Variants in SLC16A4 observed in about 807,000 individuals in gnomAD.
The protein encoded by SLC16A4 is probable monocarboxylate transporter 5.
A neutral mutation model predicts 47.9 loss-of-function variants in SLC16A4; 39 were observed. The ratio of observed to expected loss-of-function variants is 0.81; its 90% CI spans 0.63 to 1.06. The LOEUF is 1.06. Among genes scored for constraint, SLC16A4 ranks in the 50% least tolerant of loss-of-function variants. The pLI is 0.00. For missense variants in SLC16A4, 524 were observed against 573.8 expected (o/e 0.91, Z 0.89); for synonymous variants, 189 against 199.9 (o/e 0.95, Z 0.46).
intron 5 of SLC16A4, among the ~76,000 whole-genome samples, chr1:110,379,607 G>A (rs1662240975): frequency 6.6e-6 from 1 of 152,076 alleles, no homozygotes; most frequent in Non-Finnish European, 1.5e-5. Flanking sequence ...TTTGTGTTAA[G>A]GGGGGTAGGG....
At position 110,379,116 on chromosome 1, in the gene SLC16A4, T is replaced by C. The variant is rs750522977; in HGVS notation, c.767A>G (p.Gln256Arg). Residue 256 changes from glutamine (Q) to arginine (R), a missense_variant, in exon 6 of 9, where the codon CAA (glutamine) becomes CGA (arginine). Transcript: ENST00000369779. Reference protein sequence around the residue: ...GLPSKNLTVSQNQSEEFYNGP... With the variant: ...GLPSKNLTVSRNQSEEFYNGP... ...ATTGTAGAACTCTTCACTTTGATTT[T>C]GTGAGACTGTTAAATTTTTGCTAGG... 2 of 1,614,270 alleles carry C rather than the reference T, an allele frequency of 1.2e-6. No individual in the cohort carries two copies. The highest frequency in any genetic ancestry group is 2.2e-5 in the South Asian group (2 of 91,086).
intron 8 of SLC16A4, chr1:110,375,217 C>T (rs1661925122): frequency 1.3e-5 from 5 of 397,356 alleles, no homozygotes; most frequent in Non-Finnish European, 2.3e-5. Context: ...GACATAGATC[C>T]AGTGTCTGCC....
chr1:110,378,508 C>A (rs201445604), intron 6 of SLC16A4, among the ~76,000 whole-genome samples: 1 of 152,182 alleles, frequency 6.6e-6, no homozygotes, highest in Non-Finnish European at 1.5e-5. Flanking sequence ...TGCTGTCTAC[C>A]TGGGGTTTTC....
At chr1:110,390,358 T>G (rs969239965) in intron 1 of SLC16A4, among the ~76,000 whole-genome samples, 1 of 152,150 alleles carries the variant, frequency 6.6e-6, no homozygotes, top group African/African-American at 2.4e-5. Flanking sequence ...TAGAAAACAC[T>G]TGCTAAATGT....
intron 2 of SLC16A4, among the ~76,000 whole-genome samples, chr1:110,388,925 G>C (rs917208993): frequency 1.3e-5 from 2 of 152,154 alleles, no homozygotes; most frequent in African/African-American, 4.8e-5. Context: ...AGCTAGGCTG[G>C]TCTCGAACTC....
intron 2 of SLC16A4, among the ~76,000 whole-genome samples, chr1:110,386,520 T>C (rs1248000355): frequency 1.3e-5 from 2 of 152,126 alleles, no homozygotes; most frequent in African/African-American, 4.8e-5. Flanking sequence ...CATTTTCTTT[T>C]TGTTTTTAAG....
chr1:110,386,157 T>G (rs555596024), intron 2 of SLC16A4, among the ~76,000 whole-genome samples: 36 of 152,348 alleles, frequency 2.4e-4, no homozygotes, highest in South Asian at 8.3e-4. Flanking sequence ...CCTTGGTGTC[T>G]GCGTGTAGCA....
chr1:110,372,605 G>T (rs2101005259), intron 8 of SLC16A4: 1 of 152,326 alleles, frequency 6.6e-6, no homozygotes, highest in African/African-American at 2.4e-5. Flanking sequence ...GAATGACTTA[G>T]AGGAACAAAG....
chr1:110,372,723 G>A (rs567555517), intron 8 of SLC16A4: 2 of 152,262 alleles, frequency 1.3e-5, no homozygotes, highest in Admixed American at 1.3e-4. Flanking sequence ...TTCTACATAA[G>A]CTTTAGCAAC....
At position 110,389,222 on chromosome 1, in the gene SLC16A4, A is replaced by G. The variant is rs1662892278; in HGVS notation, c.87+15T>C. The G allele has an allele frequency of 6.2e-7, 1 of 1,606,000 alleles. No individual in the cohort carries two copies. The highest frequency in any genetic ancestry group is 1.7e-5 in the Admixed American group (1 of 60,006). On this transcript the variant is annotated intron_variant, in intron 2 of 8. Coordinates refer to ENST00000369779, the MANE Select transcript of SLC16A4 (RefSeq NM_004696.3). ...TTTTAGGCAATAGGAAAGGGGGAAA[A>G]AAGTGAATTCTTACCAGGAAAAAAT... is the stretch of plus-strand genomic sequence containing the variant.
Position 110,382,964 on chromosome 1 carries a change from C to A in SLC16A4, c.90G>T (p.Val30=). The change falls in exon 3 of 9, where the codon GTG becomes GTT. Residue 30 remains valine, a splice_region_variant and synonymous_variant. Coordinates refer to ENST00000369779, the MANE Select transcript of SLC16A4 (RefSeq NM_004696.3). The stretch of plus-strand genomic sequence containing the variant: ...TGGTCATCCCCATCACAAACACATT[C>A]ACCTAAATCAAAGCAGACCAGAGTC... ...GWMIVIHFFL[V]NVFVMGMTKT... is the part of the protein sequence containing the mutation. 1 of 1,605,250 alleles carries A rather than the reference C, an allele frequency of 6.2e-7. No individual in the cohort carries two copies. The highest frequency in any genetic ancestry group is 8.5e-7 in the Non-Finnish European group (1 of 1,174,330).
In SLC16A4 at chr1:110,369,058, G is replaced by A. The variant is rs556313865; in HGVS notation, c.1337-5165C>T. Reference sequence around the variant, plus strand: ...CAACCTCCTCCTCCTGGGTTTAAGCGATTCTCCTGCCCCAACCTCCCAAGT... The same window carrying A: ...CAACCTCCTCCTCCTGGGTTTAAGCAATTCTCCTGCCCCAACCTCCCAAGT... On this transcript the variant is annotated intron_variant, in intron 8 of 8. Coordinates refer to ENST00000369779, the MANE Select transcript of SLC16A4 (RefSeq NM_004696.3). Among the ~76,000 whole-genome samples the A allele has an allele frequency of 5.7e-4, 86 of 151,322 alleles. 1 individual carries two copies. Among genetic ancestry groups the A allele is most frequent in the African/African-American group, 1.9e-3 (79 of 41,222 alleles).
chr1:110,375,870 A>C (rs1157080782), intron 7 of SLC16A4, among the ~76,000 whole-genome samples: 1 of 152,142 alleles, frequency 6.6e-6, no homozygotes, highest in African/African-American at 2.4e-5. Context: ...TGATATTTAC[A>C]ATATGAATTA....
At chr1:110,387,467 G>T (rs1228725073) in intron 2 of SLC16A4, among the ~76,000 whole-genome samples, 2 of 152,208 alleles carry the variant, frequency 1.3e-5, no homozygotes, top group Non-Finnish European at 2.9e-5. Flanking sequence ...AGTCATTCAA[G>T]TATCCACATT....
At chr1:110,386,008 C>G (rs1662714499) in intron 2 of SLC16A4, among the ~76,000 whole-genome samples, 1 of 152,186 alleles carries the variant, frequency 6.6e-6, no homozygotes, top group Non-Finnish European at 1.5e-5. Flanking sequence ...GTGCATCATT[C>G]TGTAAAGTAA....
At chr1:110,374,160 C>T (rs1381217086) in intron 8 of SLC16A4, among the ~76,000 whole-genome samples, 4 of 152,166 alleles carry the variant, frequency 2.6e-5, no homozygotes, top group African/African-American at 9.7e-5. Context: ...CTGCCTCAGC[C>T]TCCCAAGTTA....
At chr1:110,378,774 T>A in intron 6 of SLC16A4, 79 bp downstream of exon 6, 1 of 1,501,962 alleles carries the variant, frequency 6.7e-7, no homozygotes. Context: ...TTTCTTTAGC[T>A]TTTTATTAAA....
chr1:110,382,311 T>C (rs2101053660), intron 3 of SLC16A4, among the ~76,000 whole-genome samples: 1 of 152,148 alleles, frequency 6.6e-6, no homozygotes, highest in East Asian at 1.9e-4. Flanking sequence ...ATACAAAAAT[T>C]AGCCAGGCAT....
rs1441311922 is a variant in SLC16A4, at chr1:110,363,007, A to G, written c.*759T>C. On this transcript the variant is annotated 3_prime_UTR_variant, in exon 9 of 9. Transcript: ENST00000369779. ...GATTACCTTTAATCAATAAACAAAG[A>G]TAAACTTTTGGAGGGAGCATATACC... 1 of 152,240 alleles carries G rather than the reference A, an allele frequency of 6.6e-6. No homozygotes were observed. Among genetic ancestry groups the G allele is most frequent in the Non-Finnish European group, 1.5e-5 (1 of 68,042 alleles). The allele number at this position is 152,240 out of a possible 1,614,324, so 9.4% of individuals were successfully genotyped here. A position where few individuals can be genotyped will look rare whatever the true frequency, so the allele number is the denominator to read the frequency against.
Sources: gnomAD v4.1 joint callset for allele counts (sites outside exome capture counted in the v4.1 genomes callset) on GRCh38, gnomAD v4.1.1 for gene constraint, MANE v1.5 for transcripts, NCBI Gene and HGNC (gene_info 2026-07-23, HGNC 2026-07-21) for gene names.